Variants in MAPKAP1 observed in about 807,000 individuals in gnomAD.
MAPKAP1 encodes MAPK associated protein 1.
A neutral mutation model predicts 65.7 loss-of-function variants in MAPKAP1; 20 were observed. That is an observed-to-expected ratio of 0.30 (90% CI 0.21 to 0.44). The LOEUF (loss-of-function observed/expected upper bound fraction) is 0.44. Among genes scored for constraint, MAPKAP1 ranks in the 20% least tolerant of loss-of-function variants. The probability of loss-of-function intolerance (pLI) is 1.00; values close to 1 mark genes in which losing one functional copy is unlikely to be tolerated. For missense variants in MAPKAP1, 423 were observed against 648.0 expected, an observed-to-expected ratio of 0.65 and a Z score of 3.77; for synonymous variants, 222 against 244.3, an observed-to-expected ratio of 0.91 and a Z score of 0.85.
intron 4 of MAPKAP1, among the ~76,000 whole-genome samples, chr9:125,627,715 TA>T (rs1473369436): frequency 6.6e-6 from 1 of 152,176 alleles, no homozygotes; most frequent in Non-Finnish European, 1.5e-5. Context: ...CATAATTCCT[TA>T]AACCCCACCC....
At chr9:125,587,328 G>A (rs1461023747) in intron 4 of MAPKAP1, among the ~76,000 whole-genome samples, 1 of 152,180 alleles carries the variant, frequency 6.6e-6, no homozygotes, top group Non-Finnish European at 1.5e-5. Context: ...TACTTTGAGA[G>A]GCCAAGGCAG....
intron 1 of MAPKAP1, among the ~76,000 whole-genome samples, chr9:125,702,402 C>T (rs1306321105): frequency 1.3e-5 from 2 of 151,950 alleles, no homozygotes; most frequent in Admixed American, 6.6e-5. Flanking sequence ...GGCGTGGTGG[C>T]GCATACCTGT....
chr9:125,575,452 C>T (rs539230806), intron 5 of MAPKAP1, among the ~76,000 whole-genome samples: 1 of 152,166 alleles, frequency 6.6e-6, no homozygotes, highest in Non-Finnish European at 1.5e-5. Context: ...GAGGTCCTAT[C>T]AAAATGATGC....
At chr9:125,655,210 G>A (rs1833996378) in intron 4 of MAPKAP1, among the ~76,000 whole-genome samples, 1 of 151,936 alleles carries the variant, frequency 6.6e-6, no homozygotes, top group African/African-American at 2.4e-5. Context: ...ATTAAAACAA[G>A]ACACTCATTT....
intron 10 of MAPKAP1, among the ~76,000 whole-genome samples, chr9:125,466,910 CCT>C (rs762362973): frequency 2.7e-4 from 41 of 152,206 alleles, no homozygotes; most frequent in Admixed American, 9.2e-4. Context: ...CCCGTCAGCC[CCT>C]GTTTAGTCAG....
intron 3 of MAPKAP1, among the ~76,000 whole-genome samples, chr9:125,666,846 T>C (rs1473576230): frequency 6.6e-6 from 1 of 152,218 alleles, no homozygotes; most frequent in African/African-American, 2.4e-5. Context: ...GGTTTAATGA[T>C]AGGACCCAGC....
At chr9:125,580,485 A>G (rs551238470) in intron 5 of MAPKAP1, among the ~76,000 whole-genome samples, 1 of 136,374 alleles carries the variant, frequency 7.3e-6, no homozygotes, top group East Asian at 2.2e-4. Flanking sequence ...GAACTGAACA[A>G]TGAGAACACT....
chr9:125,551,032 G>A (rs1260901140), intron 6 of MAPKAP1, among the ~76,000 whole-genome samples: 1 of 152,116 alleles, frequency 6.6e-6, no homozygotes, highest in African/African-American at 2.4e-5. Context: ...TATTATAAAA[G>A]TGAATTGCGT....
chr9:125,542,841 A>T (rs1830292609), intron 7 of MAPKAP1: 2 of 698,572 alleles, frequency 2.9e-6, no homozygotes, highest in Non-Finnish European at 5.3e-6. Context: ...TCCACAATTG[A>T]TATGAATACA....
intron 1 of MAPKAP1, among the ~76,000 whole-genome samples, chr9:125,705,479 A>G (rs1041092304): frequency 1.3e-4 from 20 of 152,202 alleles, no homozygotes; most frequent in African/African-American, 4.8e-4. Context: ...CACTGTCACA[A>G]GAACTCTCAC....
intron 8 of MAPKAP1, among the ~76,000 whole-genome samples, chr9:125,492,036 A>T (rs1373955204): frequency 8.0e-5 from 5 of 62,356 alleles, no homozygotes; most frequent in Non-Finnish European, 1.3e-4. Context: ...ACTGAAAGTT[A>T]AAAAAAAAAA....
chr9:125,652,180 TC>T (rs996948621), intron 4 of MAPKAP1: 1 of 1,323,162 alleles, frequency 7.6e-7, no homozygotes. Flanking sequence ...TAAGTGACTT[TC>T]TTTGAAGAGA....
rs1834520461 is a variant in MAPKAP1, at chr9:125,672,339, C to T, written c.236G>A (p.Gly79Asp). Residue 79 changes from glycine (G) to aspartate (D), a missense_variant, in exon 2 of 12, where the codon GGT becomes GAT. Around this residue, in one of 6 missense-constraint regions of MAPKAP1, gnomAD observed 1 missense variants for 17.5 expected, o/e 0.06. Coordinates refer to ENST00000265960, the MANE Select transcript of MAPKAP1 (RefSeq NM_001006617.3). ...ACCTGTGTTTGAGCGTCTTCTAATA[C>T]CAAAGTCCCAACTTGAGGTAATATC... ...SVDITSSWDF[G>D]IRRRSNTAQR... The T allele has an allele frequency of 6.2e-7, 1 of 1,614,068 alleles. No individual in the cohort carries two copies. The highest frequency in any genetic ancestry group is 8.5e-7 in the Non-Finnish European group (1 of 1,180,038).
chr9:125,523,118 G>A (rs1234292526), intron 7 of MAPKAP1, among the ~76,000 whole-genome samples: 1 of 152,156 alleles, frequency 6.6e-6, no homozygotes, highest in Non-Finnish European at 1.5e-5. Flanking sequence ...ACCAAAAACA[G>A]GGCTTCCTTT....
intron 4 of MAPKAP1, among the ~76,000 whole-genome samples, chr9:125,627,088 T>C (rs1833139444): frequency 6.6e-6 from 1 of 152,188 alleles, no homozygotes. Flanking sequence ...AACAAAACTG[T>C]AGGTGCAATT....
chr9:125,473,715 C>G (rs763945732), intron 9 of MAPKAP1, among the ~76,000 whole-genome samples: 3 of 152,114 alleles, frequency 2.0e-5, no homozygotes, highest in Non-Finnish European at 2.9e-5. Context: ...CTGGGTAGCC[C>G]CCACACTAGG....
chr9:125,693,834 T>C (rs1171575585), intron 1 of MAPKAP1, among the ~76,000 whole-genome samples: 90 of 87,832 alleles, frequency 1.0e-3, no homozygotes, highest in South Asian at 2.8e-3. Flanking sequence ...CACACACATA[T>C]ATATACACAC....
intron 4 of MAPKAP1, among the ~76,000 whole-genome samples, chr9:125,617,644 G>T (rs1832784363): frequency 1.3e-5 from 2 of 152,156 alleles, no homozygotes; most frequent in Admixed American, 1.3e-4. Flanking sequence ...TACAGCTACA[G>T]ACATCAATAT....
chr9:125,458,103 C>A (rs1853262227), intron 10 of MAPKAP1, among the ~76,000 whole-genome samples: 1 of 152,164 alleles, frequency 6.6e-6, no homozygotes, highest in Non-Finnish European at 1.5e-5. Context: ...TCCTGAACTG[C>A]ATATTTTCTA....
Sources: gnomAD v4.1 joint callset for allele counts (sites outside exome capture counted in the v4.1 genomes callset) on GRCh38, gnomAD v4.1.1 for gene constraint, gnomAD v4.1.1 regional missense constraint, MANE v1.5 for transcripts, NCBI Gene and HGNC (gene_info 2026-07-23, HGNC 2026-07-21) for gene names.